The following MREG variants were observed in gnomAD, a reference collection of about 807,000 sequenced individuals.
MREG encodes melanoregulin.
Under a neutral mutation model 28.5 loss-of-function variants are expected in MREG, and 31 were observed. That is an observed-to-expected ratio of 1.09 (90% confidence interval 0.82 to 1.47). The LOEUF is 1.47. Ranked by LOEUF, MREG falls within the 40% of genes most tolerant of loss-of-function variation. The pLI is 0.00. For synonymous variants in MREG, 106 were observed against 95.2 expected (o/e 1.11, Z -0.66); for missense variants, 256 against 257.4 (o/e 0.99, Z 0.04).
At chr2:216,030,363 A>T (rs1694661298) in intron 1 of MREG, among the ~76,000 whole-genome samples, 1 of 152,198 alleles carries the variant, frequency 6.6e-6, no homozygotes, top group South Asian at 2.1e-4. Flanking sequence ...ATGTGCTGAG[A>T]TCTTGAACAA....
intron 2 of MREG, among the ~76,000 whole-genome samples, chr2:215,973,087 T>C (rs1010915756): frequency 9.9e-5 from 15 of 152,176 alleles, no homozygotes; most frequent in African/African-American, 3.4e-4. Context: ...CAGAGGATGA[T>C]AGGGCAAGAA....
chr2:216,006,511 C>T (rs900619874), intron 1 of MREG, among the ~76,000 whole-genome samples: 5 of 152,208 alleles, frequency 3.3e-5, no homozygotes, highest in African/African-American at 7.2e-5. Context: ...TGTCCGGCCC[C>T]GGAGCTACCG....
chr2:215,954,451 CACA>C (rs1559175327), intron 2 of MREG, among the ~76,000 whole-genome samples: 1 of 147,684 alleles, frequency 6.8e-6, no homozygotes, highest in South Asian at 2.3e-4. Flanking sequence ...GTACAACACA[CACA>C]CACACACACA....
intron 2 of MREG, among the ~76,000 whole-genome samples, chr2:215,950,541 C>A (rs1027563535): frequency 2.0e-5 from 3 of 152,182 alleles, no homozygotes; most frequent in Non-Finnish European, 4.4e-5. Context: ...ACAGCTTGCA[C>A]ATGACAGGTG....
chr2:216,002,616 C>T (rs896558206), intron 1 of MREG, among the ~76,000 whole-genome samples: 15 of 152,206 alleles, frequency 9.9e-5, no homozygotes, highest in African/African-American at 3.6e-4. Flanking sequence ...CACTCACAGA[C>T]TTTTGGTTTG....
intron 2 of MREG, among the ~76,000 whole-genome samples, chr2:215,966,764 G>A (rs889702609): frequency 2.6e-5 from 4 of 152,170 alleles, no homozygotes; most frequent in South Asian, 2.1e-4. Context: ...ACCACGCCTG[G>A]CTAATTTTTG....
intron 2 of MREG, among the ~76,000 whole-genome samples, chr2:215,981,654 A>T (rs923030778): frequency 3.9e-5 from 6 of 152,184 alleles, no homozygotes; most frequent in African/African-American, 1.4e-4. Context: ...AATTTTTGTT[A>T]TATATATTTT....
rs572671930 is a variant in MREG, at chr2:215,945,589, C to G, written c.492G>C (p.Glu164Asp). 39 of 1,613,822 alleles carry G rather than the reference C, an allele frequency of 2.4e-5. No individual in the cohort carries two copies. In the South Asian group the frequency reaches 4.2e-4, roughly 17 times the overall value. ...CACTTACCACAACAAAGAGATATCTCTCTGAGAGCTCCCAACTTGTTGGGA... is the reference window on the plus strand; with the variant it reads ...CACTTACCACAACAAAGAGATATCTGTCTGAGAGCTCCCAACTTGTTGGGA... Reference protein sequence around the residue: ...NIFPTSWELSERYLFVVDRLI... With the variant: ...NIFPTSWELSDRYLFVVDRLI... The change falls in exon 4 of 5, where the codon GAG (glutamate) becomes GAC (aspartate). Residue 164 changes from glutamate to aspartate, a missense_variant. Coordinates refer to ENST00000263268, the MANE Select transcript of MREG (RefSeq NM_018000.3).
intron 1 of MREG, among the ~76,000 whole-genome samples, chr2:216,026,190 G>A (rs2105932060): frequency 6.6e-6 from 1 of 152,328 alleles, no homozygotes; most frequent in Non-Finnish European, 1.5e-5. Context: ...GCTGGGGACA[G>A]GGGTGGGGGA....
At chr2:215,962,295 A>G (rs1159933351) in intron 2 of MREG, among the ~76,000 whole-genome samples, 2 of 152,204 alleles carry the variant, frequency 1.3e-5, no homozygotes, top group African/African-American at 2.4e-5. Flanking sequence ...CCACTAAGCA[A>G]TAAGATTCGA....
intron 2 of MREG, among the ~76,000 whole-genome samples, chr2:215,964,880 T>TAGAC (rs10584153): frequency 2.7e-4 from 15 of 55,556 alleles, no homozygotes; most frequent in African/African-American, 6.7e-4. Flanking sequence ...GATAGATAGA[T>TAGAC]AGACAGACAG....
At chr2:215,986,599 C>T (rs1693578923) in intron 2 of MREG, among the ~76,000 whole-genome samples, 1 of 152,158 alleles carries the variant, frequency 6.6e-6, no homozygotes, top group East Asian at 1.9e-4. Flanking sequence ...TTAATTATCC[C>T]TACATGTTAA....
At chr2:216,031,205 G>A (rs920424894) in intron 1 of MREG, among the ~76,000 whole-genome samples, 1 of 151,898 alleles carries the variant, frequency 6.6e-6, no homozygotes, top group Non-Finnish European at 1.5e-5. Context: ...TCAGGAGTTC[G>A]AGACCAGCCT....
intron 2 of MREG, among the ~76,000 whole-genome samples, chr2:215,981,888 T>C (rs1191351156): frequency 6.6e-6 from 1 of 152,198 alleles, no homozygotes; most frequent in Admixed American, 6.5e-5. Context: ...ATCTGTCTGA[T>C]TCCAGAGCCC....
chr2:215,970,946 G>C (rs957128858), intron 2 of MREG, among the ~76,000 whole-genome samples: 1 of 152,082 alleles, frequency 6.6e-6, no homozygotes. Flanking sequence ...GGAATACTAT[G>C]CAGCCATAAA....
intron 1 of MREG, among the ~76,000 whole-genome samples, chr2:216,005,805 A>G (rs1213770452): frequency 6.7e-6 from 1 of 149,842 alleles, no homozygotes; most frequent in East Asian, 2.0e-4. Context: ...TGTCTGTAAT[A>G]TCACACATTG....
chr2:215,984,514 T>C (rs1194178425), intron 2 of MREG, among the ~76,000 whole-genome samples: 6 of 76,536 alleles, frequency 7.8e-5, no homozygotes, highest in African/African-American at 1.4e-4. Flanking sequence ...TAAGACCTTG[T>C]CACCAAAAAA....
intron 1 of MREG, among the ~76,000 whole-genome samples, chr2:216,007,739 C>T (rs71351629): frequency 7.2e-6 from 1 of 138,314 alleles, no homozygotes; most frequent in African/African-American, 2.8e-5. Context: ...CCCCACTTAG[C>T]GGCTTTTTTT....
At chr2:216,023,102 C>G (rs1396337153) in intron 1 of MREG, among the ~76,000 whole-genome samples, 1 of 152,158 alleles carries the variant, frequency 6.6e-6, no homozygotes, top group Admixed American at 6.5e-5. Context: ...CAGGCCAGAA[C>G]CCTGCAACTC....
Sources: gnomAD v4.1 joint callset for allele counts (sites outside exome capture counted in the v4.1 genomes callset) on GRCh38, gnomAD v4.1.1 for gene constraint, MANE v1.5 for transcripts, NCBI Gene and HGNC (gene_info 2026-07-23, HGNC 2026-07-21) for gene names.